The following RAI14 variants were observed in gnomAD, a reference collection of about 807,000 sequenced individuals.
RAI14 encodes retinoic acid induced 14, also known as ankycorbin.
A neutral mutation model predicts 115.4 loss-of-function variants in RAI14; 45 were observed. The ratio of observed to expected loss-of-function variants is 0.39; its 90% confidence interval spans 0.31 to 0.50. The LOEUF is 0.50. Among genes scored for constraint, RAI14 ranks in the 20% least tolerant of loss-of-function variants. The probability of loss-of-function intolerance (pLI) is 0.85; values close to 1 mark genes in which losing one functional copy is unlikely to be tolerated. For synonymous variants in RAI14, 371 were observed against 415.4 expected (o/e 0.89, Z 1.30); for missense variants, 939 against 1,131.2 (o/e 0.83, Z 2.44).
In RAI14 at chr5:34,831,808, A is replaced by T. The variant is rs1758033214; in HGVS notation, c.*1043A>T. ...AGACCTAATATGAGCTGCCACCAAC[A>T]CCCCTAGAACTTTCAGCCATGGTGT... On this transcript the variant is annotated 3_prime_UTR_variant, in exon 18 of 18. Transcript: ENST00000265109. 1 of 152,162 alleles carries T rather than the reference A, an allele frequency of 6.6e-6. No homozygotes were observed. The highest frequency in any genetic ancestry group is 2.1e-4 in the South Asian group (1 of 4,810). 9.4% of individuals were successfully genotyped at this position (152,162 alleles called of 1,614,324 possible).
chr5:34,732,804 G>GTA (rs1580067540), intron 2 of RAI14, among the ~76,000 whole-genome samples: 1 of 148,634 alleles, frequency 6.7e-6, no homozygotes, highest in East Asian at 1.9e-4. Flanking sequence ...AGTCATTTAT[G>GTA]TATATATATA....
intron 2 of RAI14, among the ~76,000 whole-genome samples, chr5:34,748,610 C>T (rs776322446): frequency 3.6e-4 from 55 of 152,068 alleles, no homozygotes; most frequent in Non-Finnish European, 6.8e-4. Flanking sequence ...CTCACTTTGC[C>T]ACTTCTAATA....
At chr5:34,679,806 C>T (rs959017517) in intron 1 of RAI14, among the ~76,000 whole-genome samples, 3 of 152,146 alleles carry the variant, frequency 2.0e-5, no homozygotes, top group African/African-American at 7.2e-5. Flanking sequence ...GTGCTTTTCT[C>T]TTGTACATGG....
chr5:34,669,899 A>G (rs909581966), intron 1 of RAI14, among the ~76,000 whole-genome samples: 9 of 152,234 alleles, frequency 5.9e-5, no homozygotes, highest in Admixed American at 1.3e-4. Context: ...TCACTTGTCT[A>G]TAATTCTCTT....
chr5:34,821,791 T>C lies in RAI14; in HGVS notation c.1054T>C (p.Leu352=), dbSNP rs1756859705. ...EADQQDLLSL[L]QAKVASLTLH... Reference sequence around the variant, plus strand: ...TGACCAACAAGATCTTCTCTCTCTATTGCAAGCAAAAGTTGCTTCCCTTAC... The same window carrying C: ...TGACCAACAAGATCTTCTCTCTCTACTGCAAGCAAAAGTTGCTTCCCTTAC... The change falls in exon 14 of 18, where the codon TTG becomes CTG. Residue 352 remains leucine (L), a synonymous_variant. Transcript: ENST00000265109. The C allele has an allele frequency of 1.2e-6, 2 of 1,612,744 alleles. No homozygotes were observed. Among genetic ancestry groups the C allele is most frequent in the East Asian group, 2.2e-5 (1 of 44,780 alleles).
rs1213736292 is a variant in RAI14 at position 34,764,965 on chromosome 5, C to A, written c.167+7367C>A. On this transcript the variant is annotated intron_variant, in intron 3 of 17. Coordinates refer to ENST00000265109, the MANE Select transcript of RAI14 (RefSeq NM_015577.3). The stretch of plus-strand genomic sequence containing the variant: ...AGTTGAATCCTGGGGGCAGTTTCCC[C>A]CATACTGTTCTTGCGGTAGTGAATA... Among the ~76,000 whole-genome samples the A allele has an allele frequency of 2.6e-5, 4 of 152,092 alleles. No homozygotes were observed. The East Asian group carries it at 7.7e-4, about 29-fold the overall frequency.
chr5:34,781,301 A>T (rs958853104), intron 3 of RAI14, among the ~76,000 whole-genome samples: 1 of 152,118 alleles, frequency 6.6e-6, no homozygotes, highest in African/African-American at 2.4e-5. Flanking sequence ...CAGCACACCA[A>T]CGTGGCACAT....
intron 3 of RAI14, among the ~76,000 whole-genome samples, chr5:34,763,216 G>A (rs1480293637): frequency 6.6e-6 from 1 of 152,176 alleles, no homozygotes; most frequent in Non-Finnish European, 1.5e-5. Flanking sequence ...TACACCAGCA[G>A]TTCAGTCTTG....
intron 2 of RAI14, among the ~76,000 whole-genome samples, chr5:34,732,875 A>G (rs1744381424): frequency 6.6e-6 from 1 of 151,698 alleles, no homozygotes; most frequent in South Asian, 2.1e-4. Context: ...CAGTACACCT[A>G]GAAACAATGA....
At chr5:34,756,928 G>C (rs1173225220) in intron 2 of RAI14, among the ~76,000 whole-genome samples, 1 of 152,164 alleles carries the variant, frequency 6.6e-6, no homozygotes, top group African/African-American at 2.4e-5. Context: ...TTGTTGAGTC[G>C]GTAGCCTGGA....
At chr5:34,756,073 C>G (rs1747837539) in intron 2 of RAI14, among the ~76,000 whole-genome samples, 1 of 152,176 alleles carries the variant, frequency 6.6e-6, no homozygotes, top group South Asian at 2.1e-4. Flanking sequence ...GGGAATGGTT[C>G]AGTCCTGAGA....
intron 2 of RAI14, among the ~76,000 whole-genome samples, chr5:34,703,599 G>A (rs1181138013): frequency 6.6e-6 from 1 of 152,206 alleles, no homozygotes; most frequent in African/African-American, 2.4e-5. Context: ...TGTGGAGCCT[G>A]AGGTTTATAT....
intron 6 of RAI14, among the ~76,000 whole-genome samples, chr5:34,808,088 A>G (rs575482397): frequency 1.3e-5 from 2 of 152,232 alleles, no homozygotes; most frequent in Non-Finnish European, 2.9e-5. Flanking sequence ...CACGATTAAT[A>G]TATTTTAACT....
chr5:34,782,293 CAA>C (rs1394755713), intron 3 of RAI14, among the ~76,000 whole-genome samples: 1 of 151,688 alleles, frequency 6.6e-6, no homozygotes, highest in Non-Finnish European at 1.5e-5. Flanking sequence ...TCTTTTTTTT[CAA>C]AGTGATAAAA....
intron 3 of RAI14, among the ~76,000 whole-genome samples, chr5:34,762,977 ATG>A (rs1748881508): frequency 1.1e-5 from 1 of 90,700 alleles, no homozygotes; most frequent in African/African-American, 5.7e-5. Context: ...GTGTGTGTGT[ATG>A]TGTCTGTATC....
chr5:34,751,199 G>A (rs1040904329), intron 2 of RAI14, among the ~76,000 whole-genome samples: 3 of 141,602 alleles, frequency 2.1e-5, no homozygotes, highest in Non-Finnish European at 1.5e-5. Context: ...CCCTCTTGTC[G>A]CCCAGGCTGG....
At chr5:34,726,937 A>G (rs1743544150) in intron 2 of RAI14, among the ~76,000 whole-genome samples, 1 of 152,192 alleles carries the variant, frequency 6.6e-6, no homozygotes. Flanking sequence ...GTAAGTTGGT[A>G]CTGCAGAGAA....
In RAI14 at chr5:34,823,403, C is replaced by T. The variant is rs1388520701; in HGVS notation, c.1561C>T (p.His521Tyr). The T allele has an allele frequency of 1.2e-6, 2 of 1,614,092 alleles. No individual in the cohort carries two copies. Among genetic ancestry groups the T allele is most frequent in the East Asian group, 4.5e-5 (2 of 44,878 alleles). ...VSPESMDNYS[H>Y]FHELRVTEEE... ...ACCTGAAAGCATGGATAATTATTCA[C>T]ATTTCCACGAGCTGAGGGTCACGGA... Residue 521 changes from histidine to tyrosine, a missense_variant, in exon 15 of 18, where the codon CAT (histidine) becomes TAT (tyrosine). Coordinates refer to ENST00000265109, the MANE Select transcript of RAI14 (RefSeq NM_015577.3). This position sits in a 1 kb window ranked among gnomAD's most constrained non-coding sequence, Gnocchi z 4.5.
At chr5:34,667,123 CATT>C (rs1328120271) in intron 1 of RAI14, 8 of 152,214 alleles carry the variant, frequency 5.3e-5, no homozygotes, top group Admixed American at 3.9e-4. Flanking sequence ...CACTTCTACA[CATT>C]ATACTTTTCT....
Sources: allele counts gnomAD v4.1 joint callset (sites outside exome capture counted in the v4.1 genomes callset), GRCh38; gene constraint gnomAD v4.1.1; non-coding constraint Gnocchi (gnomAD v3.1); transcripts MANE v1.5; gene names NCBI Gene and HGNC (gene_info 2026-07-23, HGNC 2026-07-21).